The following FCHSD2 variants were observed in gnomAD, a reference collection of about 807,000 sequenced individuals.
FCHSD2 encodes FCH and double SH3 domains 2.
A neutral mutation model predicts 108.1 loss-of-function variants in FCHSD2; 38 were observed. That is an observed-to-expected ratio of 0.35 (90% CI 0.27 to 0.46). The LOEUF (loss-of-function observed/expected upper bound fraction) is 0.46. FCHSD2 is among the 20% of genes least tolerant of loss of function. FCHSD2 has a pLI of 1.00. For missense variants in FCHSD2, 751 were observed against 897.8 expected, an observed-to-expected ratio of 0.84 and a Z score of 2.09; for synonymous variants, 279 against 314.7, an observed-to-expected ratio of 0.89 and a Z score of 1.20.
At chr11:72,851,040 G>C (rs1427317262) in intron 13 of FCHSD2, among the ~76,000 whole-genome samples, 3 of 142,872 alleles carry the variant, frequency 2.1e-5, no homozygotes, top group Non-Finnish European at 4.5e-5. Context: ...TGGAGACTAA[G>C]TGAGCCAAGA....
intron 13 of FCHSD2, among the ~76,000 whole-genome samples, chr11:72,864,224 G>C (rs543321527): frequency 5.3e-5 from 8 of 152,274 alleles, no homozygotes; most frequent in African/African-American, 1.7e-4. Context: ...AGCAATAAAA[G>C]AACAGGGTGG....
At chr11:73,075,306 A>G (rs984909477) in intron 3 of FCHSD2, among the ~76,000 whole-genome samples, 5 of 152,220 alleles carry the variant, frequency 3.3e-5, no homozygotes, top group African/African-American at 1.2e-4. Context: ...TCCTTAGGTA[A>G]ATACCCAATA....
At chr11:72,929,237 C>T (rs978770425) in intron 8 of FCHSD2, among the ~76,000 whole-genome samples, 2 of 152,138 alleles carry the variant, frequency 1.3e-5, no homozygotes, top group African/African-American at 2.4e-5. Flanking sequence ...GGTATATACC[C>T]AGTAATGGGA....
chr11:72,884,490 T>C (rs1200100092), intron 12 of FCHSD2, among the ~76,000 whole-genome samples: 2 of 149,394 alleles, frequency 1.3e-5, no homozygotes, highest in Non-Finnish European at 1.5e-5. Flanking sequence ...TATATATCTG[T>C]GTGTATGTTA....
At chr11:73,108,298 G>A (rs1237509608) in intron 2 of FCHSD2, among the ~76,000 whole-genome samples, 1 of 152,202 alleles carries the variant, frequency 6.6e-6, no homozygotes, top group East Asian at 1.9e-4. Context: ...ACATATTCTA[G>A]TTACTAATCC....
At chr11:72,901,638 TTAAC>T (rs1855528201) in intron 10 of FCHSD2, among the ~76,000 whole-genome samples, 1 of 152,022 alleles carries the variant, frequency 6.6e-6, no homozygotes, top group Non-Finnish European at 1.5e-5. Context: ...ATCTCACACT[TTAAC>T]TATGGTTAAA....
At chr11:73,041,118 T>C (rs1252077199) in intron 3 of FCHSD2, among the ~76,000 whole-genome samples, 1 of 152,230 alleles carries the variant, frequency 6.6e-6, no homozygotes, top group African/African-American at 2.4e-5. Flanking sequence ...ATTTTCTTTA[T>C]CCATTCATCT....
chr11:72,952,841 T>C (rs775293201), intron 8 of FCHSD2, among the ~76,000 whole-genome samples: 26 of 152,294 alleles, frequency 1.7e-4, no homozygotes, highest in Middle Eastern at 3.4e-3. Context: ...AAACAGGATC[T>C]TACAGTTTAA....
chr11:72,849,915 T>C (rs775592948), intron 13 of FCHSD2, 26 bp from the exon 14 acceptor site: 9 of 1,592,622 alleles, frequency 5.7e-6, no homozygotes, highest in Admixed American at 3.6e-5. Context: ...AACCATTGGC[T>C]AGTTTCCTTA....
chr11:73,055,870 A>AG (rs1383856153), intron 3 of FCHSD2, among the ~76,000 whole-genome samples: 4 of 152,172 alleles, frequency 2.6e-5, no homozygotes, highest in Admixed American at 2.6e-4. Flanking sequence ...GAGGAGACAA[A>AG]GGGGAATTAC....
chr11:72,863,043 C>T (rs746351724), intron 13 of FCHSD2, among the ~76,000 whole-genome samples: 1 of 152,112 alleles, frequency 6.6e-6, no homozygotes. Context: ...TTGCTTTAGC[C>T]TCCTGAGTAG....
chr11:72,861,217 T>C (rs1861564350), intron 13 of FCHSD2, among the ~76,000 whole-genome samples: 1 of 152,060 alleles, frequency 6.6e-6, no homozygotes, highest in Non-Finnish European at 1.5e-5. Context: ...CTCTACTAAT[T>C]TTCCAGATAA....
chr11:73,034,473 T>A (rs976460585), intron 3 of FCHSD2, among the ~76,000 whole-genome samples: 4 of 152,158 alleles, frequency 2.6e-5, no homozygotes, highest in Non-Finnish European at 4.4e-5. Flanking sequence ...CCAGAAACTG[T>A]TACTAATGTT....
intron 8 of FCHSD2, among the ~76,000 whole-genome samples, chr11:72,927,403 G>C (rs541676121): frequency 2.6e-5 from 4 of 152,294 alleles, no homozygotes; most frequent in African/African-American, 9.6e-5. Flanking sequence ...GATGATGATG[G>C]TGTCAGTGTA....
intron 8 of FCHSD2, chr11:72,983,853 C>T (rs572794747): frequency 8.2e-6 from 5 of 606,278 alleles, no homozygotes; most frequent in African/African-American, 3.6e-5. Flanking sequence ...TTTGCCGCAC[C>T]TAGGGAATAA....
At chr11:72,889,979 T>A (rs746919408) in intron 10 of FCHSD2, 34 bp from the exon 11 acceptor site, 12 of 1,351,036 alleles carry the variant, frequency 8.9e-6, no homozygotes, top group Non-Finnish European at 1.1e-5. Flanking sequence ...ATAAAAATAT[T>A]GCTATCCTTA....
chr11:73,018,913 C>T (rs1269950400), intron 3 of FCHSD2, among the ~76,000 whole-genome samples: 1 of 152,076 alleles, frequency 6.6e-6, no homozygotes, highest in Non-Finnish European at 1.5e-5. Context: ...AAGCACTACA[C>T]ATTAATTTTT....
chr11:73,014,191 G>C (rs1057153343), intron 4 of FCHSD2, among the ~76,000 whole-genome samples: 2 of 146,380 alleles, frequency 1.4e-5, no homozygotes, highest in African/African-American at 5.1e-5. Context: ...GAGGGTAGTG[G>C]TGCATTCATA....
At chr11:73,115,257 A>C (rs1437503204) in intron 2 of FCHSD2, among the ~76,000 whole-genome samples, 1 of 152,202 alleles carries the variant, frequency 6.6e-6, no homozygotes, top group Non-Finnish European at 1.5e-5. Flanking sequence ...CCTCCCTGAC[A>C]TGCAGAATCT....
Sources: allele counts gnomAD v4.1 joint callset (sites outside exome capture counted in the v4.1 genomes callset), GRCh38; gene constraint gnomAD v4.1.1; transcripts MANE v1.5; gene names NCBI Gene and HGNC (gene_info 2026-07-23, HGNC 2026-07-21).